The following GABRB2 variants were observed in gnomAD, a reference collection of about 807,000 sequenced individuals.
The protein encoded by GABRB2 is gamma-aminobutyric acid type A receptor subunit beta2, also known as gamma-aminobutyric acid receptor subunit beta-2.
A neutral mutation model predicts 54.7 loss-of-function variants in GABRB2; 16 were observed. That is an observed-to-expected ratio of 0.29 (90% confidence interval 0.20 to 0.44). GABRB2 has a LOEUF of 0.44. Ranked by LOEUF, GABRB2 falls within the 20% of genes least tolerant of loss-of-function variation. GABRB2 has a pLI of 1.00. For synonymous variants in GABRB2, 244 were observed against 233.8 expected (o/e 1.04, Z -0.40); for missense variants, 355 against 644.0 (o/e 0.55, Z 4.86).
chr5:161,364,108 A>G (rs1333703172), intron 5 of GABRB2, among the ~76,000 whole-genome samples: 1 of 152,188 alleles, frequency 6.6e-6, no homozygotes, highest in East Asian at 1.9e-4. Flanking sequence ...TGCAAGTTAT[A>G]GTATTTATTC....
At chr5:161,316,590 C>G (rs112788449) in intron 9 of GABRB2, among the ~76,000 whole-genome samples, 2 of 150,658 alleles carry the variant, frequency 1.3e-5, no homozygotes, top group Admixed American at 1.3e-4. Context: ...TTTGTTTCTC[C>G]CTCTTATTTA....
chr5:161,382,851 C>A (rs909572317), intron 5 of GABRB2, among the ~76,000 whole-genome samples: 1 of 152,146 alleles, frequency 6.6e-6, no homozygotes, highest in African/African-American at 2.4e-5. Flanking sequence ...TCCTCTCGAG[C>A]AACTCCGTGG....
chr5:161,415,453 AGC>A (rs1756636064), intron 4 of GABRB2, among the ~76,000 whole-genome samples: 2 of 152,364 alleles, frequency 1.3e-5, no homozygotes, highest in Middle Eastern at 3.4e-3. Context: ...ACAAATACAT[AGC>A]ACAGCCTAAA....
chr5:161,420,544 C>T (rs1756819471), intron 4 of GABRB2, among the ~76,000 whole-genome samples: 1 of 152,092 alleles, frequency 6.6e-6, no homozygotes, highest in Non-Finnish European at 1.5e-5. Context: ...GAGCGGGAGA[C>T]CAGGGAAATT....
chr5:161,317,578 G>A (rs1758079495), intron 9 of GABRB2, among the ~76,000 whole-genome samples: 1 of 152,100 alleles, frequency 6.6e-6, no homozygotes, highest in Non-Finnish European at 1.5e-5. Context: ...AAATTTAGAA[G>A]AGCATATGCT....
At chr5:161,495,498 A>T (rs1759209500) in intron 3 of GABRB2, among the ~76,000 whole-genome samples, 1 of 151,976 alleles carries the variant, frequency 6.6e-6, no homozygotes, top group South Asian at 2.1e-4. Context: ...ATTTTTTTCT[A>T]ATAAAGAAAT....
intron 5 of GABRB2, among the ~76,000 whole-genome samples, chr5:161,339,081 C>T (rs1302406595): frequency 6.6e-6 from 1 of 152,068 alleles, no homozygotes; most frequent in Non-Finnish European, 1.5e-5. Flanking sequence ...GTTATGAAAT[C>T]GTTCAGAGAC....
At chr5:161,433,473 G>A (rs1217795446) in intron 4 of GABRB2, among the ~76,000 whole-genome samples, 1 of 151,662 alleles carries the variant, frequency 6.6e-6, no homozygotes, top group Non-Finnish European at 1.5e-5. Flanking sequence ...AGTCGGGCAA[G>A]GTGGTGCTTG....
At chr5:161,453,416 G>C (rs1177807869) in intron 4 of GABRB2, among the ~76,000 whole-genome samples, 1 of 152,182 alleles carries the variant, frequency 6.6e-6, no homozygotes, top group Non-Finnish European at 1.5e-5. Context: ...AGCCTTTGGG[G>C]AGAAGATTAG....
rs57251440 is a variant in GABRB2 at position 161,359,440 on chromosome 5, GAC to G, written c.542-22673_542-22672del. The stretch of plus-strand genomic sequence containing the variant: ...CTTTCAAGAGCACAAAATTGCATCT[GAC>G]ACACACACACACACACACACACACA... On this transcript the variant is annotated intron_variant, in intron 5 of 9. Coordinates refer to ENST00000393959, the MANE Select transcript of GABRB2 (RefSeq NM_001371727.1). Among the ~76,000 whole-genome samples the G allele has an allele frequency of 4.7e-4, 69 of 147,760 alleles. No individual in the cohort carries two copies. In the South Asian group the frequency reaches 4.8e-3, roughly 10 times the overall value.
Position 161,467,499 on chromosome 5 carries a change from A to G in GABRB2, c.238-7655T>C, listed in dbSNP as rs185350171. Among the ~76,000 whole-genome samples the G allele has an allele frequency of 1.8e-4, 28 of 152,242 alleles. No individual in the cohort carries two copies. In the East Asian group the frequency reaches 5.2e-3, roughly 28 times the overall value. On this transcript the variant is annotated intron_variant, in intron 3 of 9. Coordinates refer to ENST00000393959, the MANE Select transcript of GABRB2 (RefSeq NM_001371727.1). ...TGTTATTTAATTTAAATGTAATACA[A>G]GTTTCATGTGAATAAAACTCCACAA...
chr5:161,451,759 T>A (rs1757794932), intron 4 of GABRB2, among the ~76,000 whole-genome samples: 1 of 152,232 alleles, frequency 6.6e-6, no homozygotes, highest in South Asian at 2.1e-4. Flanking sequence ...ATTGTTAATT[T>A]AAAAAGATAC....
intron 4 of GABRB2, among the ~76,000 whole-genome samples, chr5:161,420,015 C>T (rs1438721493): frequency 6.6e-6 from 1 of 152,026 alleles, no homozygotes; most frequent in Non-Finnish European, 1.5e-5. Flanking sequence ...ATAGTTGAAC[C>T]AGAGTCTCTT....
intron 3 of GABRB2, among the ~76,000 whole-genome samples, chr5:161,516,806 G>A (rs1056124598): frequency 2.0e-5 from 3 of 152,168 alleles, no homozygotes; most frequent in African/African-American, 4.8e-5. Context: ...CAACAAGGTA[G>A]TGTGGACTGC....
At chr5:161,340,245 C>A (rs1465554769) in intron 5 of GABRB2, among the ~76,000 whole-genome samples, 1 of 151,976 alleles carries the variant, frequency 6.6e-6, no homozygotes, top group African/African-American at 2.4e-5. Context: ...CTAGGAACTG[C>A]AAACTTTTGG....
chr5:161,399,023 T>G (rs1191487130), intron 5 of GABRB2, among the ~76,000 whole-genome samples: 5 of 152,164 alleles, frequency 3.3e-5, no homozygotes, highest in African/African-American at 4.8e-5. Context: ...AGAAGATGAT[T>G]CTCTGACTTT....
intron 3 of GABRB2, among the ~76,000 whole-genome samples, chr5:161,518,172 T>C (rs1044391928): frequency 2.6e-5 from 4 of 152,188 alleles, no homozygotes; most frequent in Non-Finnish European, 2.9e-5. Flanking sequence ...TAGCCAATCA[T>C]TCTCCATTGA....
chr5:161,458,662 C>A lies in GABRB2; in HGVS notation c.458+962G>T, dbSNP rs542120872. ...CTCCAGAGATTACTTTCTTTGTAAT[C>A]TTTGGCAAATTGCATCAGCCTCTGT... On this transcript the variant is annotated intron_variant, in intron 4 of 9. Coordinates refer to ENST00000393959, the MANE Select transcript of GABRB2 (RefSeq NM_001371727.1). Among the ~76,000 whole-genome samples, 3 of 152,306 alleles carry A rather than the reference C, an allele frequency of 2.0e-5. No individual in the cohort carries two copies. The South Asian group carries it at 6.2e-4, about 32-fold the overall frequency.
At chr5:161,308,469 A>G (rs974304768) in intron 9 of GABRB2, among the ~76,000 whole-genome samples, 1 of 152,242 alleles carries the variant, frequency 6.6e-6, no homozygotes. Context: ...ATATTAAACT[A>G]TCATGGATAT....
Sources: gnomAD v4.1 joint callset for allele counts (sites outside exome capture counted in the v4.1 genomes callset) on GRCh38, gnomAD v4.1.1 for gene constraint, MANE v1.5 for transcripts, NCBI Gene and HGNC (gene_info 2026-07-23, HGNC 2026-07-21) for gene names.